The following ULK4 variants were observed in gnomAD, a reference collection of about 807,000 sequenced individuals.
ULK4 encodes inactive serine/threonine-protein kinase ULK4.
ULK4 carries 133 observed loss-of-function variants against 160.6 expected under a neutral mutation model. That is an observed-to-expected ratio of 0.83 (90% confidence interval 0.72 to 0.96). ULK4 has a LOEUF of 0.96. ULK4 is among the 40% of genes least tolerant of loss of function. The pLI, the probability that ULK4 is intolerant of heterozygous loss-of-function variation, is 0.00. For missense variants in ULK4, 1,580 were observed against 1,499.5 expected, an observed-to-expected ratio of 1.05 and a Z score of -0.89; for synonymous variants, 534 against 539.8, an observed-to-expected ratio of 0.99 and a Z score of 0.15.
chr3:41,539,663 T>C (rs2086628938), intron 32 of ULK4, among the ~76,000 whole-genome samples: 1 of 152,172 alleles, frequency 6.6e-6, no homozygotes, highest in African/African-American at 2.4e-5. Flanking sequence ...CTTCATTGGC[T>C]TCATGGTAAA....
At chr3:41,826,019 A>G (rs1374907350) in intron 18 of ULK4, among the ~76,000 whole-genome samples, 1 of 152,216 alleles carries the variant, frequency 6.6e-6, no homozygotes, top group African/African-American at 2.4e-5. Context: ...ATTCTTAAAG[A>G]AAAGAATTTT....
chr3:41,732,474 T>C (rs898196535), intron 22 of ULK4, among the ~76,000 whole-genome samples: 4 of 151,946 alleles, frequency 2.6e-5, no homozygotes, highest in Non-Finnish European at 4.4e-5. Context: ...TAATGACAAA[T>C]ATTGGCATAG....
chr3:41,948,456 A>T (rs529084030), intron 2 of ULK4, among the ~76,000 whole-genome samples: 29 of 152,296 alleles, frequency 1.9e-4, no homozygotes, highest in Admixed American at 1.6e-3. Flanking sequence ...TGTCTCAAAA[A>T]AAAGAAAGAG....
intron 22 of ULK4, among the ~76,000 whole-genome samples, chr3:41,749,143 G>C: frequency 6.6e-6 from 1 of 152,190 alleles, no homozygotes; most frequent in Non-Finnish European, 1.5e-5. Context: ...CACTTTCAGG[G>C]TGGTATTCAA....
At chr3:41,505,853 T>G (rs1489937367) in intron 32 of ULK4, among the ~76,000 whole-genome samples, 1 of 152,186 alleles carries the variant, frequency 6.6e-6, no homozygotes, top group Non-Finnish European at 1.5e-5. Flanking sequence ...CAACATTTAA[T>G]AAAAGTGGTC....
chr3:41,773,060 G>A (rs1349914944), intron 21 of ULK4, among the ~76,000 whole-genome samples: 1 of 152,142 alleles, frequency 6.6e-6, no homozygotes, highest in Admixed American at 6.5e-5. Context: ...AGGTACTGAT[G>A]GGACATATCT....
chr3:41,313,531 C>T (rs1194058385), intron 35 of ULK4, among the ~76,000 whole-genome samples: 2 of 152,088 alleles, frequency 1.3e-5, no homozygotes, highest in East Asian at 1.9e-4. Flanking sequence ...TCTGCTCTTA[C>T]ATTTAGCATT....
intron 14 of ULK4, among the ~76,000 whole-genome samples, chr3:41,897,270 C>T (rs145403326): frequency 3.1e-3 from 473 of 152,300 alleles, no homozygotes; most frequent in African/African-American, 0.011. Context: ...AACTGTCCCA[C>T]AACCTACACT....
chr3:41,700,404 T>G (rs6781095), intron 27 of ULK4, among the ~76,000 whole-genome samples: 28,852 of 152,040 alleles, frequency 0.19, 7,453 homozygotes, highest in African/African-American at 0.59. Context: ...TTATACTCTC[T>G]AAGTAAGGAA....
chr3:41,824,278 G>T (rs572751878), intron 18 of ULK4, among the ~76,000 whole-genome samples: 1 of 152,126 alleles, frequency 6.6e-6, no homozygotes, highest in East Asian at 1.9e-4. Context: ...TCCAACTGAG[G>T]TACCAGGTTC....
intron 1 of ULK4, among the ~76,000 whole-genome samples, chr3:41,956,016 GTAAC>G (rs746392517): frequency 4.3e-4 from 65 of 152,226 alleles, no homozygotes; most frequent in Admixed American, 1.2e-3. Flanking sequence ...CTGACTTCCT[GTAAC>G]TAAATTGAAA....
Position 41,935,720 on chromosome 3 carries a change from T to A in ULK4, c.378+81A>T, listed in dbSNP as rs183233911. On this transcript the variant is annotated intron_variant, in intron 4 of 36. Coordinates refer to ENST00000301831, the MANE Select transcript of ULK4 (RefSeq NM_017886.4). ...CAAGATATTCTATACCAAAATTTTATCCAAAAATAACAACATCTTTGAGAA... is the reference window on the plus strand; with the variant it reads ...CAAGATATTCTATACCAAAATTTTAACCAAAAATAACAACATCTTTGAGAA... The A allele has an allele frequency of 2.0e-4, 290 of 1,473,188 alleles. 2 individuals carry two copies. In the African/African-American group the frequency reaches 3.8e-3, roughly 20 times the overall value. 91.3% of individuals were successfully genotyped at this position (1,473,188 alleles called of 1,614,324 possible). A position where few individuals can be genotyped will look rare whatever the true frequency, so the allele number is the denominator to read the frequency against.
At position 41,954,711 on chromosome 3, in the gene ULK4, C is replaced by T. The variant is rs2148846090; in HGVS notation, c.49G>A (p.Val17Ile). The part of the protein sequence containing the change: ...YEEIGRGSKT[V>I]VYKGRRKGTI... Reference sequence around the variant, plus strand: ...CCCTTCCGTCGCCCTTTATAGACAACAGTCTTGCTTCCTCTTCCGATCTCC... The same window carrying T: ...CCCTTCCGTCGCCCTTTATAGACAATAGTCTTGCTTCCTCTTCCGATCTCC... Residue 17 changes from valine to isoleucine, a missense_variant, in exon 2 of 37, where the codon GTT becomes ATT. Transcript: ENST00000301831. The T allele has an allele frequency of 6.2e-7, 1 of 1,613,942 alleles. No homozygotes were observed. Among genetic ancestry groups the T allele is most frequent in the Non-Finnish European group, 8.5e-7 (1 of 1,179,854 alleles).
intron 31 of ULK4, among the ~76,000 whole-genome samples, chr3:41,601,019 T>C (rs538490677): frequency 3.3e-5 from 5 of 152,186 alleles, no homozygotes; most frequent in African/African-American, 1.2e-4. Flanking sequence ...GACCCTTATT[T>C]AAAAAACGAA....
chr3:41,859,343 TTCC>T (rs1488011507), intron 17 of ULK4: 1 of 593,520 alleles, frequency 1.7e-6, no homozygotes, highest in Non-Finnish European at 3.3e-6. Context: ...AGAGCACATC[TTCC>T]TCCTCAAGGC....
chr3:41,826,504 C>T (rs2041360025), intron 18 of ULK4, among the ~76,000 whole-genome samples: 1 of 151,180 alleles, frequency 6.6e-6, no homozygotes, highest in Non-Finnish European at 1.5e-5. Context: ...GCAGGGGTTG[C>T]AATCCTAGTC....
intron 17 of ULK4, among the ~76,000 whole-genome samples, chr3:41,864,985 T>G (rs2042585360): frequency 6.6e-6 from 1 of 151,876 alleles, no homozygotes; most frequent in Non-Finnish European, 1.5e-5. Context: ...AAGACTTAAC[T>G]AGAAGGCCAG....
Position 41,638,028 on chromosome 3 carries a change from T to C in ULK4, c.3072-22311A>G, listed in dbSNP as rs141507744. 3.9e-5 allele frequency among the ~76,000 whole-genome samples: 6 copies of C among 152,324 alleles called. No homozygotes were observed. The East Asian group carries it at 1.2e-3, about 29-fold the overall frequency. ...TGTTTCCTTGGCTGTGCAGAAGTTT[T>C]CTAGGTTGATGGAATCCCATTTGTC... is the stretch of plus-strand genomic sequence containing the variant. On this transcript the variant is annotated intron_variant, in intron 30 of 36. Coordinates refer to ENST00000301831, the MANE Select transcript of ULK4 (RefSeq NM_017886.4).
In ULK4 at chr3:41,819,474, C is replaced by T. The variant is rs193009638; in HGVS notation, c.1797G>A (p.Trp599Ter). ...CTGTGTATGCAGCCAAGGGAACAGC[C>T]CAGCACTCTCTAGGGTTCTTTTTTT... ...EEKKKNPREC[W>*]AVPLAAYTVL... is the part of the protein sequence containing the mutation. The change falls in exon 19 of 37, where the codon TGG (tryptophan) becomes TGA (stop). Residue 599 changes from tryptophan to a stop codon, truncating the protein, a stop_gained. Transcript: ENST00000301831. LOFTEE classifies it high-confidence loss of function. 1.2e-4 allele frequency: 187 copies of T among 1,613,476 alleles called. No individual in the cohort carries two copies. The East Asian group carries it at 4.1e-3, about 35-fold the overall frequency.
Sources: gnomAD v4.1 joint callset for allele counts (sites outside exome capture counted in the v4.1 genomes callset) on GRCh38, gnomAD v4.1.1 for gene constraint, MANE v1.5 for transcripts, NCBI Gene and HGNC (gene_info 2026-07-23, HGNC 2026-07-21) for gene names.